PRLR: variants seen among roughly 807,000 people sequenced by gnomAD.
The protein encoded by PRLR is hPRL receptor.
PRLR carries 13 observed loss-of-function variants against 40.2 expected under a neutral mutation model. The ratio of observed to expected loss-of-function variants is 0.32; its 90% CI spans 0.21 to 0.51. PRLR has a LOEUF of 0.51. PRLR is among the 20% of genes least tolerant of loss of function. The probability of loss-of-function intolerance (pLI) is 0.97; values close to 1 mark genes in which losing one functional copy is unlikely to be tolerated. For synonymous variants in PRLR, 269 were observed against 278.7 expected, an observed-to-expected ratio of 0.97 and a Z score of 0.35; for missense variants, 656 against 747.3, an observed-to-expected ratio of 0.88 and a Z score of 1.42.
At chr5:35,226,472 T>C (rs887789037) in intron 1 of PRLR, among the ~76,000 whole-genome samples, 3 of 152,238 alleles carry the variant, frequency 2.0e-5, no homozygotes, top group African/African-American at 4.8e-5. Flanking sequence ...CAGCTTAGAA[T>C]AGTACAGTAG....
At chr5:35,175,770 C>A (rs973424314) in intron 1 of PRLR, among the ~76,000 whole-genome samples, 2 of 152,176 alleles carry the variant, frequency 1.3e-5, no homozygotes, top group Non-Finnish European at 2.9e-5. Context: ...GCCCCCACTT[C>A]CTCCATATAA....
chr5:35,176,003 GTTA>G (rs1040038896), intron 1 of PRLR, among the ~76,000 whole-genome samples: 21 of 152,178 alleles, frequency 1.4e-4, no homozygotes, highest in Middle Eastern at 6.8e-3. Context: ...TTTATTATAT[GTTA>G]TAATATTTCA....
intron 1 of PRLR, among the ~76,000 whole-genome samples, chr5:35,172,105 T>C (rs4703506): frequency 0.31 from 46,823 of 152,098 alleles, 7,506 homozygotes; most frequent in African/African-American, 0.39. Flanking sequence ...AATGTGAGCA[T>C]GTCCCGTGAG....
chr5:35,129,667 C>G (rs961185708), intron 1 of PRLR, among the ~76,000 whole-genome samples: 1 of 138,284 alleles, frequency 7.2e-6, no homozygotes, highest in Admixed American at 6.8e-5. Flanking sequence ...GCACTGTAAT[C>G]AATTTTTTTT....
chr5:35,172,423 C>T (rs1484237375), intron 1 of PRLR, among the ~76,000 whole-genome samples: 1 of 152,202 alleles, frequency 6.6e-6, no homozygotes, highest in African/African-American at 2.4e-5. Flanking sequence ...TCCTTGCTGC[C>T]TGGCTGTCAC....
At chr5:35,193,906 T>A (rs1215191151) in intron 1 of PRLR, among the ~76,000 whole-genome samples, 1 of 152,220 alleles carries the variant, frequency 6.6e-6, no homozygotes, top group African/African-American at 2.4e-5. Flanking sequence ...TGCCTTTTTT[T>A]AAACTGGCAT....
intron 1 of PRLR, among the ~76,000 whole-genome samples, chr5:35,215,908 A>C (rs989242535): frequency 1.3e-5 from 2 of 150,456 alleles, no homozygotes; most frequent in Admixed American, 6.6e-5. Context: ...GGGCTTGGTG[A>C]CGCACATCTG....
At chr5:35,070,029 G>A (rs1393445180) in intron 7 of PRLR, 95 bp downstream of exon 7, 21 of 1,387,346 alleles carry the variant, frequency 1.5e-5, no homozygotes, top group Non-Finnish European at 1.8e-5. Context: ...TCTGGCTAAG[G>A]CTCAAAATGG....
chr5:35,127,939 A>T (rs1283226421), intron 1 of PRLR, among the ~76,000 whole-genome samples: 1 of 152,158 alleles, frequency 6.6e-6, no homozygotes, highest in African/African-American at 2.4e-5. Context: ...TGATGGTTGC[A>T]CAACTGTAAA....
At chr5:35,093,025 C>T (rs927744493) in intron 2 of PRLR, among the ~76,000 whole-genome samples, 1 of 152,182 alleles carries the variant, frequency 6.6e-6, no homozygotes, top group Admixed American at 6.6e-5. Flanking sequence ...TGTTGCTTGG[C>T]ATCAATGCTG....
rs10691744 is a variant in PRLR, at chr5:35,087,422, TTGTG to T, written c.71-1086_71-1083del. ...TCTCTTAGATTTTCCTCTCTTTCCT[TTGTG>T]TGTGTGTGTGTGTGTGTGTGTGTGT... On this transcript the variant is annotated intron_variant, in intron 3 of 9. Transcript: ENST00000618457. 7.7e-3 allele frequency among the ~76,000 whole-genome samples: 1,085 copies of T among 140,878 alleles called. 8 individuals are homozygous for T. Among genetic ancestry groups the T allele is most frequent in the Admixed American group, 0.027 (381 of 14,116 alleles). The allele number at this position is 140,878 out of a possible 152,430, so 92.4% of individuals were successfully genotyped here.
intron 1 of PRLR, among the ~76,000 whole-genome samples, chr5:35,144,397 A>G (rs890913783): frequency 6.6e-6 from 1 of 152,160 alleles, no homozygotes; most frequent in Non-Finnish European, 1.5e-5. Context: ...GGCACCAGAA[A>G]GTGAGAATAG....
At chr5:35,071,950 C>T (rs1317884893) in intron 6 of PRLR, among the ~76,000 whole-genome samples, 1 of 150,166 alleles carries the variant, frequency 6.7e-6, no homozygotes, top group African/African-American at 2.5e-5. Context: ...GGCTGGAGTG[C>T]AATGGCGCGA....
intron 2 of PRLR, among the ~76,000 whole-genome samples, chr5:35,099,703 A>G (rs1771746940): frequency 6.6e-6 from 1 of 152,194 alleles, no homozygotes. Flanking sequence ...GACGATCCAG[A>G]CACTATGTAG....
chr5:35,062,123 A>C lies in PRLR; in HGVS notation c.*2966T>G, dbSNP rs1024416209. The stretch of plus-strand genomic sequence containing the variant: ...CTGGAATGGACGGTTTAAAAAGCAA[A>C]GTATAAAGAGCACATCACTGAAGAT... On this transcript the variant is annotated 3_prime_UTR_variant, in exon 10 of 10. Transcript: ENST00000618457. 1.3e-5 allele frequency: 2 copies of C among 152,216 alleles called. No homozygotes were observed. Among genetic ancestry groups the C allele is most frequent in the Non-Finnish European group, 2.9e-5 (2 of 68,042 alleles). 9.4% of individuals were successfully genotyped at this position (152,216 alleles called of 1,614,324 possible). A position where few individuals can be genotyped will look rare whatever the true frequency, so the allele number is the denominator to read the frequency against.
At chr5:35,130,384 A>C (rs960552296) in intron 1 of PRLR, 5 of 152,166 alleles carry the variant, frequency 3.3e-5, no homozygotes, top group African/African-American at 7.2e-5. Context: ...AGGGCAAGCT[A>C]CAGGGTTGAG....
chr5:35,078,912 A>G (rs1194838690), intron 5 of PRLR, among the ~76,000 whole-genome samples: 1 of 152,240 alleles, frequency 6.6e-6, no homozygotes, highest in Non-Finnish European at 1.5e-5. Flanking sequence ...ACATATGCAA[A>G]TCAATAAATG....
chr5:35,205,620 A>C (rs1775996338), intron 1 of PRLR, among the ~76,000 whole-genome samples: 8 of 152,202 alleles, frequency 5.3e-5, no homozygotes, highest in Admixed American at 5.2e-4. Context: ...ATCCTGGAAC[A>C]CACATCTAGC....
chr5:35,134,108 C>T (rs919206225), intron 1 of PRLR, among the ~76,000 whole-genome samples: 2 of 151,804 alleles, frequency 1.3e-5, no homozygotes, highest in African/African-American at 4.8e-5. Flanking sequence ...GATGGGTGCA[C>T]CAAAATCTCA....
Sources: allele counts gnomAD v4.1 joint callset (sites outside exome capture counted in the v4.1 genomes callset), GRCh38; gene constraint gnomAD v4.1.1; transcripts MANE v1.5; gene names NCBI Gene and HGNC (gene_info 2026-07-23, HGNC 2026-07-21).